Variants in PPFIA2 observed in about 807,000 individuals in gnomAD.
PPFIA2 encodes PPFI scaffold protein A2.
In PPFIA2, 46 loss-of-function variants were observed where a neutral mutation model predicts 175.5. The ratio of observed to expected loss-of-function variants is 0.26; its 90% confidence interval spans 0.21 to 0.34. PPFIA2 has a LOEUF of 0.34. PPFIA2 is among the 10% of genes least tolerant of loss of function. The pLI is 1.00. For missense variants in PPFIA2, 1,179 were observed against 1,506.1 expected (o/e 0.78, Z 3.60); for synonymous variants, 568 against 511.4 (o/e 1.11, Z -1.49).
chr12:81,264,645 G>A (rs2036653057), intron 30 of PPFIA2, among the ~76,000 whole-genome samples: 1 of 151,946 alleles, frequency 6.6e-6, no homozygotes, highest in Admixed American at 6.6e-5. Flanking sequence ...ATTAATTAAG[G>A]GACATTTAAA....
chr12:81,746,193 G>T (rs1358393533), intron 3 of PPFIA2, among the ~76,000 whole-genome samples: 3 of 144,462 alleles, frequency 2.1e-5, no homozygotes, highest in African/African-American at 7.3e-5. Flanking sequence ...GTTCAGAAAT[G>T]TTAGCTATTA....
chr12:81,302,993 C>A (rs2138506021), intron 22 of PPFIA2, among the ~76,000 whole-genome samples: 1 of 152,198 alleles, frequency 6.6e-6, no homozygotes, highest in South Asian at 2.1e-4. Context: ...TTTGGAGTTA[C>A]TGTCAGAAAA....
In PPFIA2 at chr12:81,353,178, A is replaced by G; in HGVS notation, c.1935T>C (p.Asp645=). The part of the protein sequence containing the change: ...MDLLSPSGHS[D]AQTLAMMLQE... ...GAAGCATCATGGCTAGCGTCTGGGC[A>G]TCGGAATGACCACTTGGAGAGAGAA... The change falls in exon 17 of 33, where the codon GAT becomes GAC. Residue 645 remains aspartate (D), a synonymous_variant. Coordinates refer to ENST00000549396, the MANE Select transcript of PPFIA2 (RefSeq NM_003625.5). The G allele has an allele frequency of 2.5e-6, 4 of 1,613,880 alleles. No individual in the cohort carries two copies. Among genetic ancestry groups the G allele is most frequent in the Non-Finnish European group, 3.4e-6 (4 of 1,179,822 alleles).
At chr12:81,552,451 A>T (rs1392786794) in intron 4 of PPFIA2, among the ~76,000 whole-genome samples, 1 of 152,006 alleles carries the variant, frequency 6.6e-6, no homozygotes, top group African/African-American at 2.4e-5. Context: ...AACTAAATTG[A>T]AAGTATTATT....
At chr12:81,732,356 T>A (rs1210080288) in intron 3 of PPFIA2, among the ~76,000 whole-genome samples, 1 of 151,524 alleles carries the variant, frequency 6.6e-6, no homozygotes, top group African/African-American at 2.4e-5. Context: ...TAATAATAAA[T>A]AACACTTTAT....
chr12:81,294,918 G>T lies in PPFIA2; in HGVS notation c.2842C>A (p.Pro948Thr). 1 of 1,613,620 alleles carries T rather than the reference G, an allele frequency of 6.2e-7. No individual in the cohort carries two copies. The highest frequency in any genetic ancestry group is 8.5e-7 in the Non-Finnish European group (1 of 1,179,738). ...EIQREIGISN[P>T]LHRLKLRLAI... is the part of the protein sequence containing the mutation. ...AATCGAAGTTTTAAGCGATGCAGTG[G>T]ATTGCTGATTCCAATTTCTCTCTGG... Residue 948 changes from proline (P) to threonine (T), a missense_variant, in exon 24 of 33, where the codon CCA becomes ACA. By Grantham distance (38) the Pro-to-Thr change is conservative (BLOSUM62 -1). Coordinates refer to ENST00000549396, the MANE Select transcript of PPFIA2 (RefSeq NM_003625.5).
intron 22 of PPFIA2, among the ~76,000 whole-genome samples, chr12:81,311,705 C>A (rs2050875456): frequency 1.4e-5 from 2 of 146,574 alleles, no homozygotes; most frequent in South Asian, 4.3e-4. Context: ...TGCACTCCAG[C>A]CTGGGCAACA....
chr12:81,739,844 T>C (rs1250003645), intron 3 of PPFIA2, among the ~76,000 whole-genome samples: 1 of 152,020 alleles, frequency 6.6e-6, no homozygotes, highest in African/African-American at 2.4e-5. Flanking sequence ...AATATTAACA[T>C]GGGCTTATAG....
intron 4 of PPFIA2, among the ~76,000 whole-genome samples, chr12:81,593,152 T>A (rs1290990725): frequency 6.6e-6 from 1 of 152,138 alleles, no homozygotes; most frequent in Non-Finnish European, 1.5e-5. Flanking sequence ...CTGCCAAGTA[T>A]GAGACTATAT....
intron 4 of PPFIA2, among the ~76,000 whole-genome samples, chr12:81,499,243 T>C (rs1374189844): frequency 1.3e-5 from 2 of 152,242 alleles, no homozygotes; most frequent in African/African-American, 4.8e-5. Context: ...CTATCTTTTA[T>C]GACCAACCAC....
At chr12:81,391,614 T>C (rs1023589639) in intron 8 of PPFIA2, among the ~76,000 whole-genome samples, 1 of 151,974 alleles carries the variant, frequency 6.6e-6, no homozygotes, top group African/African-American at 2.4e-5. Flanking sequence ...TGCTTGTTTG[T>C]TCAATATCCT....
chr12:81,701,636 G>T (rs1170182908), intron 3 of PPFIA2, among the ~76,000 whole-genome samples: 1 of 152,008 alleles, frequency 6.6e-6, no homozygotes, highest in Admixed American at 6.6e-5. Context: ...TAAATGGGTT[G>T]TGAAATTTAA....
intron 8 of PPFIA2, among the ~76,000 whole-genome samples, chr12:81,391,913 G>T (rs1320204230): frequency 6.6e-6 from 1 of 151,884 alleles, no homozygotes; most frequent in Non-Finnish European, 1.5e-5. Flanking sequence ...AATAAAGCAA[G>T]AGGGTGGGAG....
At chr12:81,721,248 A>C (rs754741288) in intron 3 of PPFIA2, among the ~76,000 whole-genome samples, 11 of 151,232 alleles carry the variant, frequency 7.3e-5, no homozygotes, top group Non-Finnish European at 1.6e-4. Context: ...TTCCTAGAAA[A>C]ATTTCCCTGA....
intron 4 of PPFIA2, among the ~76,000 whole-genome samples, chr12:81,646,907 G>C (rs1324908604): frequency 6.6e-6 from 1 of 151,494 alleles, no homozygotes; most frequent in Admixed American, 6.6e-5. Context: ...GTGGGGGGAG[G>C]GAAGCAGGGA....
intron 8 of PPFIA2, among the ~76,000 whole-genome samples, chr12:81,387,475 A>G (rs2039236868): frequency 6.6e-6 from 1 of 152,158 alleles, no homozygotes; most frequent in African/African-American, 2.4e-5. Context: ...AAATGCAGGC[A>G]AATGGCAAGA....
At chr12:81,409,201 T>C (rs2043454757) in intron 7 of PPFIA2, among the ~76,000 whole-genome samples, 1 of 151,996 alleles carries the variant, frequency 6.6e-6, no homozygotes, top group Non-Finnish European at 1.5e-5. Flanking sequence ...TTCCCTAGGC[T>C]CTCACTGAGA....
intron 4 of PPFIA2, among the ~76,000 whole-genome samples, chr12:81,606,611 T>C (rs374935107): frequency 6.6e-6 from 1 of 152,124 alleles, no homozygotes; most frequent in African/African-American, 2.4e-5. Context: ...CACTTGAATG[T>C]CTTCCTTTGA....
At chr12:81,266,630 T>C (rs1333838156) in intron 30 of PPFIA2, among the ~76,000 whole-genome samples, 2 of 152,210 alleles carry the variant, frequency 1.3e-5, no homozygotes, top group African/African-American at 4.8e-5. Context: ...GCTGAATTTA[T>C]CAACATTAGT....
Sources: gnomAD v4.1 joint callset for allele counts (sites outside exome capture counted in the v4.1 genomes callset) on GRCh38, gnomAD v4.1.1 for gene constraint, MANE v1.5 for transcripts, NCBI Gene and HGNC (gene_info 2026-07-23, HGNC 2026-07-21) for gene names.